The following MYO1D variants were observed in gnomAD, a reference collection of about 807,000 sequenced individuals.
MYO1D encodes the protein myosin ID.
A neutral mutation model predicts 122.0 loss-of-function variants in MYO1D; 83 were observed. The ratio of observed to expected loss-of-function variants is 0.68; its 90% CI spans 0.57 to 0.82. The LOEUF (loss-of-function observed/expected upper bound fraction) is 0.82. Among genes scored for constraint, MYO1D ranks in the 40% least tolerant of loss-of-function variants. The pLI is 0.00. For synonymous variants in MYO1D, 464 were observed against 446.9 expected, an observed-to-expected ratio of 1.04 and a Z score of -0.48; for missense variants, 1,157 against 1,269.5, an observed-to-expected ratio of 0.91 and a Z score of 1.35.
At chr17:32,586,393 C>T (rs1297388051) in intron 21 of MYO1D, among the ~76,000 whole-genome samples, 1 of 152,184 alleles carries the variant, frequency 6.6e-6, no homozygotes, top group African/African-American at 2.4e-5. Flanking sequence ...TTCCTATTCC[C>T]TATGTGTGCA....
chr17:32,677,135 A>G (rs1468263368), intron 16 of MYO1D, among the ~76,000 whole-genome samples: 1 of 152,186 alleles, frequency 6.6e-6, no homozygotes, highest in African/African-American at 2.4e-5. Flanking sequence ...TTACGCAGGA[A>G]TATCTAGCAA....
chr17:32,594,548 G>C (rs1281315380), intron 21 of MYO1D: 1 of 659,730 alleles, frequency 1.5e-6, no homozygotes, highest in South Asian at 1.8e-5. Flanking sequence ...ATTTTATTCA[G>C]AGTATAAGCA....
At chr17:32,708,426 A>G (rs1598027879) in intron 16 of MYO1D, among the ~76,000 whole-genome samples, 1 of 152,278 alleles carries the variant, frequency 6.6e-6, no homozygotes, top group African/African-American at 2.4e-5. Flanking sequence ...TAATTTATTT[A>G]TATTATCAGT....
intron 21 of MYO1D, among the ~76,000 whole-genome samples, chr17:32,585,690 A>C (rs2087380678): frequency 6.6e-6 from 1 of 150,610 alleles, no homozygotes; most frequent in Admixed American, 6.7e-5. Context: ...AGATCGCGCC[A>C]CTGCACTCCA....
chr17:32,669,104 T>C lies in MYO1D; in HGVS notation c.2122-9766A>G, dbSNP rs560570047. ...CACAGAGTACTAATGTTGAAGGGGA[T>C]CAGGATATGCCACCCAAAATTATGC... On this transcript the variant is annotated intron_variant, in intron 16 of 21. Coordinates refer to ENST00000318217, the MANE Select transcript of MYO1D (RefSeq NM_015194.3). 2.0e-3 allele frequency among the ~76,000 whole-genome samples: 302 copies of C among 152,280 alleles called. 1 individual carries two copies. The highest frequency in any genetic ancestry group is 3.5e-3 in the Non-Finnish European group (237 of 68,030).
At chr17:32,717,726 C>T (rs1394709696) in intron 15 of MYO1D, among the ~76,000 whole-genome samples, 10 of 152,232 alleles carry the variant, frequency 6.6e-5, no homozygotes, top group Admixed American at 5.9e-4. Context: ...AACCAGATGT[C>T]AGCGTGATTC....
chr17:32,694,727 A>T (rs1053848492), intron 16 of MYO1D, among the ~76,000 whole-genome samples: 4 of 151,376 alleles, frequency 2.6e-5, no homozygotes, highest in Non-Finnish European at 3.0e-5. Flanking sequence ...AAAAAAAAAA[A>T]AAAAAAATTT....
intron 1 of MYO1D, among the ~76,000 whole-genome samples, chr17:32,858,498 A>T (rs2091045061): frequency 6.6e-6 from 1 of 152,184 alleles, no homozygotes; most frequent in Non-Finnish European, 1.5e-5. Flanking sequence ...TATTTTAAAG[A>T]CTGGCCTTCA....
rs1027122684 is a variant in MYO1D at position 32,760,337 on chromosome 17, T to C, written c.1249A>G (p.Lys417Glu). 11 of 1,612,864 alleles carry C rather than the reference T, an allele frequency of 6.8e-6. No individual in the cohort carries two copies. Among genetic ancestry groups the C allele is most frequent in the Non-Finnish European group, 9.3e-6 (11 of 1,179,064 alleles). The change falls in exon 10 of 22, where the codon AAG (lysine) becomes GAG (glutamate). Residue 417 changes from lysine (K) to glutamate (E), a missense_variant. Physicochemically the swap from Lys to Glu is moderately conservative, Grantham distance 56. Coordinates refer to ENST00000318217, the MANE Select transcript of MYO1D (RefSeq NM_015194.3). The stretch of plus-strand genomic sequence containing the variant: ...CGCTGGTATTCCTCTTGTTCTTGCT[T>C]CAGAACCAGCTGAATAAATAGCTGC... ...LQQLFIQLVL[K>E]QEQEEYQREG...
chr17:32,796,634 G>A (rs1053176188), intron 1 of MYO1D, among the ~76,000 whole-genome samples: 1 of 152,084 alleles, frequency 6.6e-6, no homozygotes, highest in African/African-American at 2.4e-5. Flanking sequence ...AGCTGTTCTC[G>A]AACTCCTAAG....
intron 21 of MYO1D, among the ~76,000 whole-genome samples, chr17:32,547,695 C>G (rs2086975792): frequency 1.3e-5 from 2 of 152,202 alleles, no homozygotes; most frequent in Admixed American, 6.5e-5. Flanking sequence ...TCCTATAATC[C>G]TAGCACTTTG....
chr17:32,649,533 T>A (rs796936526), intron 19 of MYO1D, among the ~76,000 whole-genome samples: 9 of 152,112 alleles, frequency 5.9e-5, no homozygotes, highest in African/African-American at 1.2e-4. Flanking sequence ...TGGCTTTTTA[T>A]CCATTGTATG....
intron 21 of MYO1D, among the ~76,000 whole-genome samples, chr17:32,511,382 C>T (rs948769059): frequency 2.2e-4 from 33 of 152,132 alleles, no homozygotes; most frequent in African/African-American, 7.2e-4. Context: ...TGCTACCATG[C>T]CTGGCTAATT....
At chr17:32,875,240 T>TG (rs1176277322) in intron 1 of MYO1D, among the ~76,000 whole-genome samples, 1 of 152,182 alleles carries the variant, frequency 6.6e-6, no homozygotes. Flanking sequence ...TTATTTCCTG[T>TG]GGGGGAGAGG....
intron 21 of MYO1D, among the ~76,000 whole-genome samples, chr17:32,590,122 A>G (rs1297398852): frequency 6.6e-6 from 1 of 152,172 alleles, no homozygotes; most frequent in Admixed American, 6.5e-5. Context: ...TCTCCCCATT[A>G]CTTATATGAT....
chr17:32,672,936 G>C (rs560815323), intron 16 of MYO1D, among the ~76,000 whole-genome samples: 2 of 151,962 alleles, frequency 1.3e-5, no homozygotes, highest in South Asian at 2.1e-4. Context: ...CTTAGTAAAA[G>C]GCAGAGAGCA....
intron 16 of MYO1D, among the ~76,000 whole-genome samples, chr17:32,700,575 T>C (rs1163477445): frequency 5.3e-5 from 8 of 152,194 alleles, no homozygotes; most frequent in African/African-American, 1.9e-4. Context: ...TGGAGAAAGA[T>C]AAACTGATTG....
chr17:32,603,926 C>A (rs988589621), intron 21 of MYO1D, among the ~76,000 whole-genome samples: 1 of 152,064 alleles, frequency 6.6e-6, no homozygotes, highest in African/African-American at 2.4e-5. Context: ...TTGGTAATTA[C>A]TTTCTTATTT....
At chr17:32,586,169 T>C (rs1403073111) in intron 21 of MYO1D, among the ~76,000 whole-genome samples, 28 of 152,204 alleles carry the variant, frequency 1.8e-4, no homozygotes, top group Admixed American at 1.7e-3. Context: ...GAGCAAACCA[T>C]AAGAATTCGT....
Sources: allele counts gnomAD v4.1 joint callset (sites outside exome capture counted in the v4.1 genomes callset), GRCh38; gene constraint gnomAD v4.1.1; transcripts MANE v1.5; gene names NCBI Gene and HGNC (gene_info 2026-07-23, HGNC 2026-07-21).